The following XKR6 variants were observed in gnomAD, a reference collection of about 807,000 sequenced individuals.
XKR6 encodes XK related 6, also known as XK-related protein 6.
XKR6 carries 22 observed loss-of-function variants against 56.7 expected under a neutral mutation model. The ratio of observed to expected loss-of-function variants is 0.39; its 90% CI spans 0.28 to 0.55. XKR6 has a LOEUF of 0.55. Ranked by LOEUF, XKR6 falls within the 20% of genes least tolerant of loss-of-function variation. XKR6 has a pLI of 0.66. For synonymous variants in XKR6, 524 were observed against 387.8 expected, an observed-to-expected ratio of 1.35 and a Z score of -4.13; for missense variants, 852 against 889.0, an observed-to-expected ratio of 0.96 and a Z score of 0.53.
At chr8:11,119,020 G>A (rs577947449) in intron 1 of XKR6, among the ~76,000 whole-genome samples, 21 of 151,982 alleles carry the variant, frequency 1.4e-4, no homozygotes, top group South Asian at 4.2e-4. Flanking sequence ...CTTTGTTCTC[G>A]TTGGTTTCAA....
chr8:10,984,718 C>A (rs1251505795), intron 1 of XKR6, among the ~76,000 whole-genome samples: 2 of 85,014 alleles, frequency 2.4e-5, no homozygotes, highest in African/African-American at 1.0e-4. Context: ...CTCTCTCTCT[C>A]TCTCTCTCTC....
At chr8:10,965,121 G>A (rs915243836) in intron 1 of XKR6, among the ~76,000 whole-genome samples, 1 of 152,240 alleles carries the variant, frequency 6.6e-6, no homozygotes, top group African/African-American at 2.4e-5. Flanking sequence ...CCCAGAACCT[G>A]AACACCAGCA....
chr8:11,057,884 G>T (rs1799725958), intron 1 of XKR6, among the ~76,000 whole-genome samples: 1 of 152,170 alleles, frequency 6.6e-6, no homozygotes, highest in South Asian at 2.1e-4. Flanking sequence ...ACAGCGCTGA[G>T]CACCTGCCGC....
chr8:11,135,586 A>G (rs1800349818), intron 1 of XKR6, among the ~76,000 whole-genome samples: 1 of 152,222 alleles, frequency 6.6e-6, no homozygotes, highest in Non-Finnish European at 1.5e-5. Context: ...GTTATCAGAT[A>G]TTAAACTATA....
intron 2 of XKR6, among the ~76,000 whole-genome samples, chr8:10,901,028 T>C (rs1199112302): frequency 6.6e-6 from 1 of 150,844 alleles, no homozygotes; most frequent in Admixed American, 6.6e-5. Flanking sequence ...TTTATTTTTA[T>C]TTTTTGTAGA....
chr8:10,976,132 T>C (rs999279033), intron 1 of XKR6, among the ~76,000 whole-genome samples: 12 of 151,448 alleles, frequency 7.9e-5, no homozygotes, highest in African/African-American at 2.7e-4. Flanking sequence ...GCCGAGATCG[T>C]GCCACTGCAC....
intron 2 of XKR6, among the ~76,000 whole-genome samples, chr8:10,918,713 G>T (rs551145604): frequency 6.6e-6 from 1 of 152,276 alleles, no homozygotes; most frequent in South Asian, 2.1e-4. Flanking sequence ...GAGGAAGGAG[G>T]ACAGAGCCAT....
intron 1 of XKR6, chr8:11,124,665 TG>T (rs1799667016): frequency 6.6e-6 from 1 of 152,334 alleles, no homozygotes; most frequent in African/African-American, 2.4e-5. Flanking sequence ...AGGAGAAGGT[TG>T]GAGGGAGGCA....
At chr8:10,976,208 G>T (rs927055846) in intron 1 of XKR6, among the ~76,000 whole-genome samples, 2 of 150,828 alleles carry the variant, frequency 1.3e-5, no homozygotes, top group Non-Finnish European at 3.0e-5. Context: ...CCCCAACCTC[G>T]CCACCATGTT....
chr8:10,899,356 A>T (rs975074151), intron 2 of XKR6, among the ~76,000 whole-genome samples: 1 of 152,224 alleles, frequency 6.6e-6, no homozygotes, highest in Non-Finnish European at 1.5e-5. Context: ...GTGAAGACCA[A>T]GGGTTTACCC....
chr8:11,028,209 T>C (rs1035845010), intron 1 of XKR6, among the ~76,000 whole-genome samples: 1 of 152,156 alleles, frequency 6.6e-6, no homozygotes, highest in Admixed American at 6.5e-5. Context: ...GTTGGAATCA[T>C]ACACCAAGTA....
At chr8:11,054,828 G>A (rs1799640846) in intron 1 of XKR6, among the ~76,000 whole-genome samples, 1 of 152,172 alleles carries the variant, frequency 6.6e-6, no homozygotes, top group South Asian at 2.1e-4. Context: ...GAGCTCCTGG[G>A]AGGAGGAGGG....
chr8:10,956,683 G>A (rs1563310888), intron 1 of XKR6, among the ~76,000 whole-genome samples: 1 of 152,196 alleles, frequency 6.6e-6, no homozygotes, highest in Non-Finnish European at 1.5e-5. Context: ...GGATGTCAAA[G>A]GGAAGCATCG....
rs193148328 is a variant in XKR6 at position 11,089,970 on chromosome 8, C to T, written c.764+110606G>A. 3.0e-4 allele frequency among the ~76,000 whole-genome samples: 45 copies of T among 152,196 alleles called. No individual in the cohort carries two copies. The East Asian group carries it at 6.8e-3, about 23-fold the overall frequency. On this transcript the variant is annotated intron_variant, in intron 1 of 2. Transcript: ENST00000416569. ...ATGGTTTTGTACTGTAGATATTCTA[C>T]GTTGTTTTGTTCACTCAACTTTTTT... is the stretch of plus-strand genomic sequence containing the variant.
At chr8:11,074,764 G>C (rs1479580882) in intron 1 of XKR6, among the ~76,000 whole-genome samples, 4 of 152,346 alleles carry the variant, frequency 2.6e-5, no homozygotes, top group East Asian at 3.9e-4. Flanking sequence ...TTCCAAAGTA[G>C]AGGCTGCACA....
In XKR6 at chr8:11,201,004, G is replaced by A. The variant is rs1446829431; in HGVS notation, c.336C>T (p.Ala112=). The part of the protein sequence containing the change: ...GAGRQPPTPS[A]ARPEPPPPQV... ...GCGGCGGCGGCGGCTCCGGCCGCGCGGCCGAGGGCGTCGGGGGTTGGCGGC... is the reference window on the plus strand; with the variant it reads ...GCGGCGGCGGCGGCTCCGGCCGCGCAGCCGAGGGCGTCGGGGGTTGGCGGC... The change falls in exon 1 of 3, where the codon GCC becomes GCT. Residue 112 remains alanine (A), a synonymous_variant. Coordinates refer to ENST00000416569, the MANE Select transcript of XKR6 (RefSeq NM_173683.4). The A allele has an allele frequency of 6.5e-6, 9 of 1,394,684 alleles. No homozygotes were observed. 86.4% of individuals were successfully genotyped at this position (1,394,684 alleles called of 1,614,324 possible). A position where few individuals can be genotyped will look rare whatever the true frequency, so the allele number is the denominator to read the frequency against.
chr8:10,929,924 C>G (rs1189643763), intron 1 of XKR6, among the ~76,000 whole-genome samples: 1 of 152,200 alleles, frequency 6.6e-6, no homozygotes, highest in Non-Finnish European at 1.5e-5. Flanking sequence ...TTGTTTAAAG[C>G]TCCTGTTCCC....
At chr8:11,050,518 G>A (rs1406095740) in intron 1 of XKR6, among the ~76,000 whole-genome samples, 4 of 147,492 alleles carry the variant, frequency 2.7e-5, no homozygotes, top group African/African-American at 7.6e-5. Context: ...CCAAGGGACA[G>A]AAAAGGGAGA....
chr8:10,924,508 C>G, intron 2 of XKR6, 126 bp downstream of exon 2: 2 of 1,187,106 alleles, frequency 1.7e-6, no homozygotes, highest in Non-Finnish European at 2.3e-6. Flanking sequence ...GCCGGGCGTC[C>G]TGGGGACTCA....
Sources: gnomAD v4.1 joint callset for allele counts (sites outside exome capture counted in the v4.1 genomes callset) on GRCh38, gnomAD v4.1.1 for gene constraint, MANE v1.5 for transcripts, NCBI Gene and HGNC (gene_info 2026-07-23, HGNC 2026-07-21) for gene names.